The following EYS variants were observed in gnomAD, a reference collection of about 807,000 sequenced individuals.
The protein encoded by EYS is protein eyes shut homolog.
In EYS, 250 loss-of-function variants were observed where a neutral mutation model predicts 282.1. That is an observed-to-expected ratio of 0.89 (90% CI 0.80 to 0.98). The LOEUF is 0.98. Ranked by LOEUF, EYS falls within the 50% of genes least tolerant of loss-of-function variation. The probability of loss-of-function intolerance (pLI) is 0.00; values close to 1 mark genes in which losing one functional copy is unlikely to be tolerated. For synonymous variants in EYS, 1,355 were observed against 1,282.9 expected (o/e 1.06, Z -1.20); for missense variants, 4,016 against 3,709.0 (o/e 1.08, Z -2.15).
intron 2 of EYS, among the ~76,000 whole-genome samples, chr6:65,518,363 A>G (rs1767221583): frequency 6.6e-6 from 1 of 152,138 alleles, no homozygotes; most frequent in South Asian, 2.1e-4. Flanking sequence ...AAGGGCAGGC[A>G]ATACATCTCA....
chr6:64,591,910 C>T lies in EYS; in HGVS notation c.3957G>A (p.Leu1319=). 1 of 1,548,270 alleles carries T rather than the reference C, an allele frequency of 6.5e-7. No homozygotes were observed. The highest frequency in any genetic ancestry group is 8.7e-7 in the Non-Finnish European group (1 of 1,144,910). Residue 1319 remains leucine, a synonymous_variant, in exon 26 of 43, where the codon TTG becomes TTA. Transcript: ENST00000503581. ...TCAGTTCTTGGAGTAAGTAGCTTTC[C>T]AAGGGTGTGCTAATTCTTAATGTTG... ...GLATLRISTP[L]ESYLLQELIV...
At chr6:65,199,773 C>A (rs1020662081) in intron 12 of EYS, among the ~76,000 whole-genome samples, 3 of 151,766 alleles carry the variant, frequency 2.0e-5, no homozygotes, top group African/African-American at 7.3e-5. Flanking sequence ...AGAGCATAAG[C>A]AAAACAAGGA....
In EYS at chr6:64,306,485, C is replaced by G. The variant is rs569016394; in HGVS notation, c.6191+485G>C. On this transcript the variant is annotated intron_variant, in intron 30 of 42. Coordinates refer to ENST00000503581, the MANE Select transcript of EYS (RefSeq NM_001142800.2). Reference sequence around the variant, plus strand: ...ACTAATATTGTCTCAAATGTGTTATCTCTTTAGTTCACCCAATTCAAAGCC... The same window carrying G: ...ACTAATATTGTCTCAAATGTGTTATGTCTTTAGTTCACCCAATTCAAAGCC... Among the ~76,000 whole-genome samples, 8 of 152,270 alleles carry G rather than the reference C, an allele frequency of 5.3e-5. No individual in the cohort carries two copies. In the South Asian group the frequency reaches 1.5e-3, roughly 28 times the overall value.
At chr6:64,485,397 A>G (rs1284363821) in intron 26 of EYS, among the ~76,000 whole-genome samples, 4 of 151,642 alleles carry the variant, frequency 2.6e-5, no homozygotes, top group African/African-American at 9.7e-5. Flanking sequence ...AAAGAAACCT[A>G]AGGATGTTAA....
At chr6:64,345,751 A>T (rs1771360338) in intron 29 of EYS, among the ~76,000 whole-genome samples, 1 of 152,160 alleles carries the variant, frequency 6.6e-6, no homozygotes, top group Admixed American at 6.6e-5. Context: ...AACTACCATC[A>T]GAGTGAACAG....
At chr6:64,262,021 C>T (rs1048127988) in intron 30 of EYS, among the ~76,000 whole-genome samples, 1 of 151,996 alleles carries the variant, frequency 6.6e-6, no homozygotes, top group African/African-American at 2.4e-5. Context: ...TCCAAAAGTG[C>T]TGGGATTACA....
intron 1 of EYS, among the ~76,000 whole-genome samples, chr6:65,651,091 G>T (rs906279258): frequency 6.6e-6 from 1 of 152,002 alleles, no homozygotes; most frequent in Non-Finnish European, 1.5e-5. Flanking sequence ...AATGTCTAAT[G>T]TCTATTAAAT....
rs1025631438 is a variant in EYS at position 64,717,396 on chromosome 6, G to A, written c.3444-91151C>T. Among the ~76,000 whole-genome samples, 106 of 152,134 alleles carry A rather than the reference G, an allele frequency of 7.0e-4. 1 individual carries two copies. Among genetic ancestry groups the A allele is most frequent in the African/African-American group, 2.5e-3 (103 of 41,418 alleles). On this transcript the variant is annotated intron_variant, in intron 22 of 42. Transcript: ENST00000503581. Reference sequence around the variant, plus strand: ...CTCCACCTTAGATCATCAGGCATTAGGTTATCATAAGGAGCTTGCAGCTTA... The same window carrying A: ...CTCCACCTTAGATCATCAGGCATTAAGTTATCATAAGGAGCTTGCAGCTTA...
intron 11 of EYS, among the ~76,000 whole-genome samples, chr6:65,324,847 G>A (rs1479518851): frequency 6.6e-6 from 1 of 152,206 alleles, no homozygotes; most frequent in East Asian, 1.9e-4. Flanking sequence ...AAAAGCCAAA[G>A]GAACTGTTTC....
chr6:63,968,076 T>C (rs1156566139), intron 35 of EYS, among the ~76,000 whole-genome samples: 1 of 151,444 alleles, frequency 6.6e-6, no homozygotes, highest in African/African-American at 2.5e-5. Context: ...TGTCACATTA[T>C]GAATTTTTTC....
At chr6:65,478,463 C>T (rs1436667812) in intron 5 of EYS, among the ~76,000 whole-genome samples, 1 of 152,000 alleles carries the variant, frequency 6.6e-6, no homozygotes, top group Non-Finnish European at 1.5e-5. Flanking sequence ...TATATGCTTA[C>T]CAAGTATTTT....
chr6:64,130,495 A>T (rs1773938158), intron 31 of EYS, among the ~76,000 whole-genome samples: 1 of 152,064 alleles, frequency 6.6e-6, no homozygotes, highest in Non-Finnish European at 1.5e-5. Context: ...TGCAGGGGGG[A>T]GGGATAACAT....
At chr6:65,104,339 T>C (rs1774974028) in intron 12 of EYS, among the ~76,000 whole-genome samples, 1 of 151,464 alleles carries the variant, frequency 6.6e-6, no homozygotes, top group African/African-American at 2.4e-5. Flanking sequence ...CTATATTTAA[T>C]AAAATATCAA....
At chr6:65,663,712 C>T (rs375567919) in intron 1 of EYS, among the ~76,000 whole-genome samples, 1 of 152,074 alleles carries the variant, frequency 6.6e-6, no homozygotes, top group East Asian at 1.9e-4. Flanking sequence ...GACGGAGTCT[C>T]GCTCTCTTGC....
chr6:65,663,113 T>C (rs1303809167), intron 1 of EYS, among the ~76,000 whole-genome samples: 1 of 152,068 alleles, frequency 6.6e-6, no homozygotes, highest in Non-Finnish European at 1.5e-5. Flanking sequence ...CATACGGGGG[T>C]AATCACAATG....
At chr6:64,586,620 A>G (rs1482598153) in intron 26 of EYS, among the ~76,000 whole-genome samples, 2 of 152,090 alleles carry the variant, frequency 1.3e-5, no homozygotes, top group Non-Finnish European at 2.9e-5. Flanking sequence ...ATTTAATAAA[A>G]TATCAATTGA....
intron 24 of EYS, among the ~76,000 whole-genome samples, chr6:64,615,702 C>A: frequency 6.6e-6 from 1 of 152,070 alleles, no homozygotes; most frequent in Admixed American, 6.6e-5. Context: ...AAAGTTGAAT[C>A]TCCCTTATCT....
At position 64,591,655 on chromosome 6, in the gene EYS, A is replaced by G. The variant is rs1410264407; in HGVS notation, c.4212T>C (p.Phe1404=). 3 of 1,551,292 alleles carry G rather than the reference A, an allele frequency of 1.9e-6. No individual in the cohort carries two copies. The South Asian group carries it at 3.6e-5, about 18-fold the overall frequency. The change falls in exon 26 of 43, where the codon TTT becomes TTC. Residue 1404 remains phenylalanine, a synonymous_variant. Transcript: ENST00000503581. ...IMSSLMSDFI[F]PTQSLLFENC... ...TCTCAAATAATAAAGATTGTGTAGG[A>G]AAAATAAAATCTGACATTAAGGAAG...
intron 26 of EYS, among the ~76,000 whole-genome samples, chr6:64,469,764 C>G (rs1281186478): frequency 6.6e-6 from 1 of 152,022 alleles, no homozygotes; most frequent in Non-Finnish European, 1.5e-5. Context: ...TTGTGGAGGG[C>G]CTGACATTAG....
Sources: allele counts gnomAD v4.1 joint callset (sites outside exome capture counted in the v4.1 genomes callset), GRCh38; gene constraint gnomAD v4.1.1; transcripts MANE v1.5; gene names NCBI Gene and HGNC (gene_info 2026-07-23, HGNC 2026-07-21).